SEMA4D: variants seen among roughly 807,000 people sequenced by gnomAD.
SEMA4D encodes semaphorin 4D, also known as semaphorin-4D.
A neutral mutation model predicts 74.8 loss-of-function variants in SEMA4D; 22 were observed. The ratio of observed to expected loss-of-function variants is 0.29; its 90% CI spans 0.21 to 0.42. The LOEUF (loss-of-function observed/expected upper bound fraction) is 0.42, where lower values mean the gene tolerates loss of function less well. Among genes scored for constraint, SEMA4D ranks in the 10% least tolerant of loss-of-function variants. SEMA4D has a pLI of 1.00. For synonymous variants in SEMA4D, 445 were observed against 463.7 expected, an observed-to-expected ratio of 0.96 and a Z score of 0.52; for missense variants, 937 against 1,118.4, an observed-to-expected ratio of 0.84 and a Z score of 2.31.
intron 1 of SEMA4D, among the ~76,000 whole-genome samples, chr9:89,463,058 G>C (rs1857739873): frequency 6.6e-6 from 1 of 151,274 alleles, no homozygotes; most frequent in Admixed American, 6.6e-5. Context: ...ACACTAGAAT[G>C]TTCCTTTCTA....
rs1564832883 is a variant in SEMA4D at position 89,450,659 on chromosome 9, G to GAAAAAAAAAAAAAAAAAAAAAAAA, written c.-244+5228_-244+5229insTTTTTTTTTTTTTTTTTTTTTTTT. The GAAAAAAAAAAAAAAAAAAAAAAAA allele has an allele frequency of 1.6e-4, 69 of 421,226 alleles. 13 individuals are homozygous for GAAAAAAAAAAAAAAAAAAAAAAAA. The highest frequency in any genetic ancestry group is 1.4e-3 in the Middle Eastern group (2 of 1,440). 26.1% of individuals were successfully genotyped at this position (421,226 alleles called of 1,614,324 possible). A position where few individuals can be genotyped will look rare whatever the true frequency, so the allele number is the denominator to read the frequency against. On this transcript the variant is annotated intron_variant, in intron 2 of 15. Transcript: ENST00000422704. ...AGAGTTCTGCAAGTCGAAAAACCCA[G>GAAAAAAAAAAAAAAAAAAAAAAAA]GAAAAAAAAAAAAAAAAAAAAAAAA... is the stretch of plus-strand genomic sequence containing the variant.
chr9:89,440,886 T>C (rs1851536976), intron 2 of SEMA4D, among the ~76,000 whole-genome samples: 1 of 152,210 alleles, frequency 6.6e-6, no homozygotes, highest in South Asian at 2.1e-4. Context: ...GTGAGGAGGC[T>C]AAGTTGGACC....
chr9:89,487,483 A>G (rs979578552), intron 1 of SEMA4D, among the ~76,000 whole-genome samples: 3 of 152,208 alleles, frequency 2.0e-5, no homozygotes, highest in African/African-American at 7.2e-5. Flanking sequence ...ACAGGCAAGA[A>G]TGTCCACTTT....
At chr9:89,374,549 A>G (rs1835531054), downstream of SEMA4D, among the ~76,000 whole-genome samples, 1 of 152,136 alleles carries the variant, frequency 6.6e-6, no homozygotes, top group Admixed American at 6.5e-5. Flanking sequence ...TGGAAACCTC[A>G]CCTTCCCACT....
chr9:89,362,228 T>A (rs1832812348), exon 19 of SEMA4D: 5 of 1,096,162 alleles, frequency 4.6e-6, no homozygotes, highest in Non-Finnish European at 5.4e-6. Flanking sequence ...TCCAGGCTTC[T>A]CCACTGTCCC....
chr9:89,464,012 C>G (rs1415833248), intron 1 of SEMA4D, among the ~76,000 whole-genome samples: 1 of 151,810 alleles, frequency 6.6e-6, no homozygotes, highest in East Asian at 1.9e-4. Flanking sequence ...CATGGGGGCA[C>G]TTTCTCCACT....
chr9:89,471,447 TAAAAG>T (rs1293339250), intron 1 of SEMA4D, among the ~76,000 whole-genome samples: 10 of 152,200 alleles, frequency 6.6e-5, no homozygotes. Flanking sequence ...AATAAAACAA[TAAAAG>T]AAGTTCAAAA....
chr9:89,430,539 G>A (rs1329362220), intron 2 of SEMA4D, among the ~76,000 whole-genome samples: 3 of 152,232 alleles, frequency 2.0e-5, no homozygotes, highest in Non-Finnish European at 4.4e-5. Flanking sequence ...TTACTGGGGA[G>A]GGGGAAACTG....
chr9:89,371,932 G>T (rs879251783), intron 16 of SEMA4D, among the ~76,000 whole-genome samples: 1 of 118,024 alleles, frequency 8.5e-6, no homozygotes, highest in Admixed American at 8.2e-5. Context: ...TGTGGTGTGT[G>T]TGGGGTGTGG....
intron 13 of SEMA4D, among the ~76,000 whole-genome samples, chr9:89,383,734 A>G (rs1224878373): frequency 6.6e-6 from 1 of 152,202 alleles, no homozygotes; most frequent in South Asian, 2.1e-4. Context: ...GCAATCATCA[A>G]AACTCTTCTG....
intron 2 of SEMA4D, among the ~76,000 whole-genome samples, chr9:89,441,740 T>C (rs1346149978): frequency 6.6e-6 from 1 of 152,148 alleles, no homozygotes; most frequent in Non-Finnish European, 1.5e-5. Flanking sequence ...CCAATACCTG[T>C]CTAACCACTC....
intron 12 of SEMA4D, 97 bp downstream of exon 12, chr9:89,387,289 G>T: frequency 9.5e-7 from 1 of 1,056,250 alleles, no homozygotes. Flanking sequence ...GGAGGCAATG[G>T]AACTACTCAC....
chr9:89,472,235 A>C (rs1436128811), intron 1 of SEMA4D: 1 of 283,302 alleles, frequency 3.5e-6, no homozygotes, highest in African/African-American at 2.3e-5. Flanking sequence ...AAAGAACACA[A>C]GATGGCAGCC....
At chr9:89,418,043 A>G in intron 2 of SEMA4D, 3 of 967,608 alleles carry the variant, frequency 3.1e-6, no homozygotes, top group Non-Finnish European at 3.7e-6. Context: ...GATCATGAAT[A>G]AAGTGGTTTT....
chr9:89,490,030 CTTT>C (rs895924919), intron 1 of SEMA4D, among the ~76,000 whole-genome samples: 2 of 144,984 alleles, frequency 1.4e-5, no homozygotes, highest in Admixed American at 1.4e-4. Context: ...CTCCACCCTC[CTTT>C]TTTTTTTTTT....
At chr9:89,480,236 T>C (rs1004634463) in intron 1 of SEMA4D, among the ~76,000 whole-genome samples, 23 of 151,664 alleles carry the variant, frequency 1.5e-4, no homozygotes, top group Admixed American at 3.3e-4. Flanking sequence ...AGAGTGTCGA[T>C]TGGTGCACTC....
intron 16 of SEMA4D, among the ~76,000 whole-genome samples, chr9:89,366,848 C>T (rs910140029): frequency 6.6e-6 from 1 of 152,128 alleles, no homozygotes; most frequent in African/African-American, 2.4e-5. Flanking sequence ...CCAAGAACCA[C>T]CCAGGGGACT....
intron 13 of SEMA4D, among the ~76,000 whole-genome samples, chr9:89,383,142 T>TG (rs1837569774): frequency 6.6e-6 from 1 of 152,168 alleles, no homozygotes; most frequent in Admixed American, 6.5e-5. Flanking sequence ...CAGGACCCAC[T>TG]GGTCGATGTG....
At chr9:89,467,496 A>T (rs6559356) in intron 1 of SEMA4D, among the ~76,000 whole-genome samples, 3 of 139,426 alleles carry the variant, frequency 2.2e-5, no homozygotes, top group Non-Finnish European at 4.5e-5. Context: ...AATCCGGGGG[A>T]GTGGGGGAGG....
Sources: gnomAD v4.1 joint callset for allele counts (sites outside exome capture counted in the v4.1 genomes callset) on GRCh38, gnomAD v4.1.1 for gene constraint, MANE v1.5 for transcripts, NCBI Gene and HGNC (gene_info 2026-07-23, HGNC 2026-07-21) for gene names.